The following ITGAX variants were observed in gnomAD, a reference collection of about 807,000 sequenced individuals.
ITGAX encodes integrin alpha-X.
In ITGAX, 99 loss-of-function variants were observed where a neutral mutation model predicts 140.2. The observed-to-expected ratio is 0.71, with a 90% CI of 0.60 to 0.83. The LOEUF (loss-of-function observed/expected upper bound fraction) is 0.83. ITGAX is among the 40% of genes least tolerant of loss of function. The probability of loss-of-function intolerance (pLI) is 0.00; values close to 1 mark genes in which losing one functional copy is unlikely to be tolerated. For synonymous variants in ITGAX, 631 were observed against 600.4 expected (o/e 1.05, Z -0.75); for missense variants, 1,444 against 1,482.0 (o/e 0.97, Z 0.42).
Position 31,371,141 on chromosome 16 carries a change from G to T in ITGAX, c.1768G>T (p.Gly590Trp). The T allele has an allele frequency of 1.2e-6, 2 of 1,614,024 alleles. No individual in the cohort carries two copies. The highest frequency in any genetic ancestry group is 1.7e-6 in the Non-Finnish European group (2 of 1,180,002). ...GCAGTATTTTGGGCAGGCACTGAGCGGGGGTCAAGACCTCACCCAGGATGG... is the reference window on the plus strand; with the variant it reads ...GCAGTATTTTGGGCAGGCACTGAGCTGGGGTCAAGACCTCACCCAGGATGG... ...RLQYFGQALS[G>W]GQDLTQDGLV... is the part of the protein sequence containing the mutation. Residue 590 changes from glycine (G) to tryptophan (W), a missense_variant, in exon 15 of 30, where the codon GGG becomes TGG. Physicochemically the swap from Gly to Trp is radical, Grantham distance 184. Coordinates refer to ENST00000268296, the MANE Select transcript of ITGAX (RefSeq NM_000887.5).
At position 31,357,532 on chromosome 16, in the gene ITGAX, C is replaced by T. The variant is rs553555812; in HGVS notation, c.430+168C>T. ...GCTGCTGCCCGCACATCCTGCCGAT[C>T]GCCCGCACGCTGCCGGACCTTTCCT... On this transcript the variant is annotated intron_variant, in intron 5 of 29. Transcript: ENST00000268296. The T allele has an allele frequency of 1.0e-3, 589 of 589,492 alleles. 1 individual carries two copies. The highest frequency in any genetic ancestry group is 1.2e-3 in the Non-Finnish European group (408 of 332,746). The allele number at this position is 589,492 out of a possible 1,614,324, so 36.5% of individuals were successfully genotyped here.
Position 31,356,727 on chromosome 16 carries a change from G to A in ITGAX, c.246G>A (p.Gln82=), listed in dbSNP as rs1185727448. ...GTGCCTGTGAGCCCATCGGCCTGCA[G>A]GGTGAGTCACCGCCCCTCCCGGGAC... ...STGACEPIGL[Q]VPPEAVNMSL... is the part of the protein sequence containing the mutation. The change falls in exon 3 of 30, where the codon CAG becomes CAA. Residue 82 remains glutamine, a splice_region_variant and synonymous_variant. Transcript: ENST00000268296. The A allele has an allele frequency of 1.9e-6, 3 of 1,580,508 alleles. No homozygotes were observed. The highest frequency in any genetic ancestry group is 2.6e-6 in the Non-Finnish European group (3 of 1,164,102).
chr16:31,365,286 T>C (rs1453530273), intron 14 of ITGAX, among the ~76,000 whole-genome samples: 1 of 152,130 alleles, frequency 6.6e-6, no homozygotes. Flanking sequence ...AAATTGATTG[T>C]GGTAGTGGTT....
intron 8 of ITGAX, chr16:31,360,755 A>G: frequency 3.9e-6 from 2 of 510,782 alleles, no homozygotes; most frequent in East Asian, 3.5e-5. Context: ...GCCTTAAGCA[A>G]TTCTGCCACC....
chr16:31,380,433 T>C (rs1405928368), intron 27 of ITGAX, 54 bp downstream of exon 27: 51 of 1,610,912 alleles, frequency 3.2e-5, no homozygotes, highest in Non-Finnish European at 4.2e-5. Flanking sequence ...GGACCTGGCA[T>C]GTCTGTGCCC....
chr16:31,378,925 C>T (rs954040922), intron 23 of ITGAX, among the ~76,000 whole-genome samples: 3 of 151,908 alleles, frequency 2.0e-5, no homozygotes, highest in East Asian at 1.9e-4. Flanking sequence ...AAGCAATTCT[C>T]GTGCCTCAGC....
chr16:31,368,135 T>C lies in ITGAX; in HGVS notation c.1711-2949T>C, dbSNP rs190149391. ...CAGATGAGGACCTGCTTCTTACAGA[T>C]GAGGAAAGAAAGTGTTTTTTTTTTT... On this transcript the variant is annotated intron_variant, in intron 14 of 29. Coordinates refer to ENST00000268296, the MANE Select transcript of ITGAX (RefSeq NM_000887.5). 8.3e-5 allele frequency among the ~76,000 whole-genome samples: 12 copies of C among 144,062 alleles called. No homozygotes were observed. The East Asian group carries it at 2.2e-3, about 26-fold the overall frequency. The allele number at this position is 144,062 out of a possible 152,430, so 94.5% of individuals were successfully genotyped here.
At chr16:31,373,439 G>C (rs780409042) in intron 20 of ITGAX, 49 bp downstream of exon 20, 2 of 1,571,338 alleles carry the variant, frequency 1.3e-6, no homozygotes, top group African/African-American at 1.4e-5. Context: ...CGTTAGCGTA[G>C]ATTCCCGTGC....
intron 14 of ITGAX, 102 bp from the exon 15 acceptor site, chr16:31,370,982 C>G: frequency 6.8e-7 from 1 of 1,467,508 alleles, no homozygotes; most frequent in East Asian, 2.3e-5. Flanking sequence ...CTCACCCCTT[C>G]TCTCCCTTTC....
rs765259269 is a variant in ITGAX, at chr16:31,363,082, G to C, written c.1500+7G>C. ...GTGTCCCTTGCCCAGGGGGGTGAGT[G>C]GCTGATGGGCCTGGGGTGGGTGGGG... is the stretch of plus-strand genomic sequence containing the variant. On this transcript the variant is annotated splice_region_variant and intron_variant, in intron 13 of 29. Transcript: ENST00000268296. 1.1e-5 allele frequency: 18 copies of C among 1,608,126 alleles called. No individual in the cohort carries two copies. Among genetic ancestry groups the C allele is most frequent in the Non-Finnish European group, 1.5e-5 (18 of 1,177,702 alleles).
chr16:31,359,621 T>G, intron 5 of ITGAX, 79 bp from the exon 6 acceptor site: 2 of 1,533,072 alleles, frequency 1.3e-6, no homozygotes, highest in South Asian at 1.2e-5. Context: ...TTTGGGAGAG[T>G]GAGCTCTTGT....
At position 31,371,399 on chromosome 16, in the gene ITGAX, C is replaced by T. The variant is rs770489686; in HGVS notation, c.1907C>T (p.Ala636Val). Residue 636 changes from alanine (A) to valine (V), a missense_variant, in exon 16 of 30, where the codon GCG becomes GTG. Coordinates refer to ENST00000268296, the MANE Select transcript of ITGAX (RefSeq NM_000887.5). ...ATACCTGCCGAGATCCCCAGGTCTG[C>T]GTTTGAGTGTCGGGAGCAGGTGGTC... ...QFIPAEIPRS[A>V]FECREQVVSE... 80 of 1,614,102 alleles carry T rather than the reference C, an allele frequency of 5.0e-5. No individual in the cohort carries two copies. Among genetic ancestry groups the T allele is most frequent in the Non-Finnish European group, 5.5e-5 (65 of 1,180,048 alleles).
chr16:31,372,364 C>T lies in ITGAX; in HGVS notation c.2161-14C>T, dbSNP rs779271313. ...TCCCCTTACCCTCCGCTCCCCGCGACGCCCGTCCCCCAGAGCTGCGTGGAG... is the reference window on the plus strand; with the variant it reads ...TCCCCTTACCCTCCGCTCCCCGCGATGCCCGTCCCCCAGAGCTGCGTGGAG... On this transcript the variant is annotated splice_polypyrimidine_tract_variant and intron_variant, in intron 17 of 29. Coordinates refer to ENST00000268296, the MANE Select transcript of ITGAX (RefSeq NM_000887.5). 1.4e-5 allele frequency: 22 copies of T among 1,590,582 alleles called. No homozygotes were observed. Among genetic ancestry groups the T allele is most frequent in the Middle Eastern group, 1.7e-4 (1 of 5,734 alleles).
In ITGAX at chr16:31,377,056, G is replaced by T; in HGVS notation, c.2682G>T (p.Leu894=). ...VSPKAVLGDR[L]LLTANVSSEN... ...CCAAGGCTGTCCTGGGAGACCGGCT[G>T]CTTCTGACAGCCAATGTGAGCAGGT... Residue 894 remains leucine, a synonymous_variant, in exon 22 of 30, where the codon CTG becomes CTT. Transcript: ENST00000268296. 6.2e-7 allele frequency: 1 copy of T among 1,614,212 alleles called. No homozygotes were observed. The highest frequency in any genetic ancestry group is 2.2e-5 in the East Asian group (1 of 44,876).
At chr16:31,355,802 A>G in intron 1 of ITGAX, 91 bp from the exon 2 acceptor site, 2 of 952,472 alleles carry the variant, frequency 2.1e-6, no homozygotes, top group Non-Finnish European at 3.3e-6. Context: ...TCAGGCTCGG[A>G]GGGGAGATTG....
At chr16:31,380,842 G>A in intron 28 of ITGAX, 55 bp from the exon 29 acceptor site, 2 of 1,492,122 alleles carry the variant, frequency 1.3e-6, no homozygotes, top group East Asian at 2.3e-5. Flanking sequence ...AGCCTGGGAG[G>A]AGTCTGGGAT....
chr16:31,360,966 A>C (rs2080818233), intron 8 of ITGAX, 97 bp from the exon 9 acceptor site: 1 of 1,173,534 alleles, frequency 8.5e-7, no homozygotes, highest in African/African-American at 1.5e-5. Flanking sequence ...GGGTGTGATC[A>C]TGTTGATCTT....
At chr16:31,378,766 C>T (rs1323627449) in intron 23 of ITGAX, among the ~76,000 whole-genome samples, 1 of 151,176 alleles carries the variant, frequency 6.6e-6, no homozygotes, top group African/African-American at 2.4e-5. Context: ...CCACTGCACT[C>T]AGCCAATTAG....
intron 19 of ITGAX, among the ~76,000 whole-genome samples, chr16:31,372,915 A>AAACAACAACAACAAC (rs58659724): frequency 0.047 from 6,965 of 149,588 alleles, 261 homozygotes; most frequent in African/African-American, 0.1. Context: ...CACAAAAACA[A>AAACAACAACAACAAC]AACAACAACA....
Sources: gnomAD v4.1 joint callset for allele counts (sites outside exome capture counted in the v4.1 genomes callset) on GRCh38, gnomAD v4.1.1 for gene constraint, MANE v1.5 for transcripts, NCBI Gene and HGNC (gene_info 2026-07-23, HGNC 2026-07-21) for gene names.